Variants in ZNF383 observed in about 807,000 individuals in gnomAD.
ZNF383 encodes zinc finger protein 383.
In ZNF383, 32 loss-of-function variants were observed where a neutral mutation model predicts 44.2. That is an observed-to-expected ratio of 0.72 (90% CI 0.55 to 0.97). The LOEUF is 0.97. Among genes scored for constraint, ZNF383 ranks in the 50% least tolerant of loss-of-function variants. ZNF383 has a pLI of 0.00. For synonymous variants in ZNF383, 155 were observed against 186.2 expected, an observed-to-expected ratio of 0.83 and a Z score of 1.36; for missense variants, 487 against 562.5, an observed-to-expected ratio of 0.87 and a Z score of 1.36.
chr19:37,233,187 G>A (rs1490713559), intron 3 of ZNF383, among the ~76,000 whole-genome samples: 1 of 152,060 alleles, frequency 6.6e-6, no homozygotes, highest in East Asian at 1.9e-4. Flanking sequence ...CTGGAGTGCA[G>A]TGGTGATATC....
intron 3 of ZNF383, among the ~76,000 whole-genome samples, chr19:37,233,516 G>A (rs560777838): frequency 4.3e-4 from 64 of 150,576 alleles, no homozygotes; most frequent in Admixed American, 1.1e-3. Context: ...TGCAACCTCC[G>A]CCTCCCAGGT....
At chr19:37,222,853 A>G (rs527333568) in intron 1 of ZNF383, among the ~76,000 whole-genome samples, 1 of 152,248 alleles carries the variant, frequency 6.6e-6, no homozygotes, top group African/African-American at 2.4e-5. Flanking sequence ...TGGTTTCTGT[A>G]TATGTTCAGC....
At position 37,227,965 on chromosome 19, in the gene ZNF383, G is replaced by A. The variant is rs112391033; in HGVS notation, c.-45-2444G>A. ...CGGAACATGAAAGCGGACCAGGAGCGTGACCGCTGAAGCACAGCATCACAG... is the reference window on the plus strand; with the variant it reads ...CGGAACATGAAAGCGGACCAGGAGCATGACCGCTGAAGCACAGCATCACAG... On this transcript the variant is annotated intron_variant, in intron 2 of 5. Transcript: ENST00000684119. Among the ~76,000 whole-genome samples, 1,364 of 152,328 alleles carry A rather than the reference G, an allele frequency of 9.0e-3. 20 individuals carry two copies. The highest frequency in any genetic ancestry group is 0.031 in the African/African-American group (1,307 of 41,552).
chr19:37,229,195 C>T (rs1386718767), intron 2 of ZNF383, among the ~76,000 whole-genome samples: 1 of 139,816 alleles, frequency 7.2e-6, no homozygotes, highest in African/African-American at 2.8e-5. Flanking sequence ...GCTCTTGTTG[C>T]CCAGGCTGGA....
chr19:37,243,380 C>T lies in ZNF383; in HGVS notation c.1144C>T (p.Arg382Cys), dbSNP rs762022966. 22 of 1,613,516 alleles carry T rather than the reference C, an allele frequency of 1.4e-5. No individual in the cohort carries two copies. Among genetic ancestry groups the T allele is most frequent in the South Asian group, 4.4e-5 (4 of 91,048 alleles). The change falls in exon 6 of 6, where the codon CGT becomes TGT. Residue 382 changes from arginine (R) to cysteine (C), a missense_variant. Transcript: ENST00000684119. ...GGCTTTTACTCAGAGCTCACAGCTT[C>T]GTCAACATCAGAGAATTCACGCTGG... is the stretch of plus-strand genomic sequence containing the variant. The part of the protein sequence containing the change: ...GKAFTQSSQL[R>C]QHQRIHAGEK...
intron 2 of ZNF383, among the ~76,000 whole-genome samples, chr19:37,228,883 C>T (rs893787638): frequency 6.6e-6 from 1 of 152,016 alleles, no homozygotes; most frequent in Non-Finnish European, 1.5e-5. Context: ...ATTTTATTCG[C>T]CCACCTTTTT....
chr19:37,238,336 T>C (rs1973922602), intron 5 of ZNF383, among the ~76,000 whole-genome samples: 1 of 150,366 alleles, frequency 6.7e-6, no homozygotes, highest in South Asian at 2.1e-4. Flanking sequence ...CTTACATTTA[T>C]CTACATGTAA....
At chr19:37,235,843 A>T in intron 4 of ZNF383, 136 bp from the exon 5 acceptor site, 1 of 1,208,240 alleles carries the variant, frequency 8.3e-7, no homozygotes, top group East Asian at 2.4e-5. Flanking sequence ...TGGCAACTCC[A>T]GTGGGCTGTG....
intron 2 of ZNF383, among the ~76,000 whole-genome samples, chr19:37,228,198 T>C (rs1973279236): frequency 6.6e-6 from 1 of 152,188 alleles, no homozygotes; most frequent in Non-Finnish European, 1.5e-5. Context: ...GGTACTGGCG[T>C]TACCGGTAGA....
intron 1 of ZNF383, among the ~76,000 whole-genome samples, chr19:37,220,268 G>A (rs546643225): frequency 6.6e-6 from 1 of 151,532 alleles, no homozygotes; most frequent in South Asian, 2.1e-4. Context: ...TCGCTCTGTT[G>A]CCCAGGCTGG....
At chr19:37,218,937 GT>G (rs1972794658) in intron 1 of ZNF383, among the ~76,000 whole-genome samples, 1 of 152,126 alleles carries the variant, frequency 6.6e-6, no homozygotes, top group Admixed American at 6.6e-5. Flanking sequence ...GTGTGGTATT[GT>G]GACTATCTGT....
intron 3 of ZNF383, 44 bp from the exon 4 acceptor site, chr19:37,235,505 C>A: frequency 6.2e-7 from 1 of 1,609,012 alleles, no homozygotes; most frequent in Non-Finnish European, 8.5e-7. Context: ...GTCTCTGATA[C>A]ATTTTTTTAA....
rs1974413400 is a variant in ZNF383, at chr19:37,247,626, A to G, written c.*3962A>G. ...AATGGCTTGAGGCCAGGAGTTCAAG[A>G]CCAGTCTAGGTAACATAATGAGATC... On this transcript the variant is annotated 3_prime_UTR_variant, in exon 6 of 6. Transcript: ENST00000684119. 6.6e-6 allele frequency: 1 copy of G among 151,856 alleles called. No homozygotes were observed. The highest frequency in any genetic ancestry group is 2.4e-5 in the African/African-American group (1 of 41,332). 9.4% of individuals were successfully genotyped at this position (151,856 alleles called of 1,614,324 possible).
At chr19:37,235,490 T>A in intron 3 of ZNF383, 59 bp from the exon 4 acceptor site, 1 of 1,580,770 alleles carries the variant, frequency 6.3e-7, no homozygotes, top group Non-Finnish European at 8.7e-7. Flanking sequence ...AATACAAGCA[T>A]CGTAGTCTCT....
At chr19:37,230,501 T>C in intron 3 of ZNF383, 39 bp downstream of exon 3, 1 of 1,578,368 alleles carries the variant, frequency 6.3e-7, no homozygotes, top group African/African-American at 1.6e-5. Flanking sequence ...GACATTTAGT[T>C]TAAAAAAAAA....
At chr19:37,242,274 C>T (rs1211901778) in intron 5 of ZNF383, among the ~76,000 whole-genome samples, 195 bp from the exon 6 acceptor site, 3 of 151,796 alleles carry the variant, frequency 2.0e-5, no homozygotes, top group African/African-American at 7.3e-5. Flanking sequence ...AGTTACCTTC[C>T]TCTGCTTCCT....
chr19:37,243,344 G>A lies in ZNF383; in HGVS notation c.1108G>A (p.Glu370Lys), dbSNP rs1279138492. The A allele has an allele frequency of 1.2e-6, 2 of 1,614,022 alleles. No individual in the cohort carries two copies. Among genetic ancestry groups the A allele is most frequent in the African/African-American group, 2.7e-5 (2 of 74,928 alleles). ...HTGEKPYDCK[E>K]CGKAFTQSSQ... ...TGGTGAGAAACCCTATGATTGTAAG[G>A]AATGTGGAAAGGCTTTTACTCAGAG... Residue 370 changes from glutamate to lysine, a missense_variant, in exon 6 of 6, where the codon GAA becomes AAA. Physicochemically the swap from Glu to Lys is moderately conservative, Grantham distance 56 (BLOSUM62 1). Transcript: ENST00000684119.
At chr19:37,229,086 G>A (rs1274086854) in intron 2 of ZNF383, among the ~76,000 whole-genome samples, 1 of 150,280 alleles carries the variant, frequency 6.7e-6, no homozygotes, top group Non-Finnish European at 1.5e-5. Flanking sequence ...CTTAAAAGGA[G>A]TTCTTTCAGC....
At chr19:37,220,754 A>G (rs17304779) in intron 1 of ZNF383, among the ~76,000 whole-genome samples, 5,814 of 152,192 alleles carry the variant, frequency 0.038, 148 homozygotes, top group East Asian at 0.077. Context: ...GGCAACACTT[A>G]TCCTGACTTT....
Sources: allele counts gnomAD v4.1 joint callset (sites outside exome capture counted in the v4.1 genomes callset), GRCh38; gene constraint gnomAD v4.1.1; transcripts MANE v1.5; gene names NCBI Gene and HGNC (gene_info 2026-07-23, HGNC 2026-07-21).